The following DTD1 variants were observed in gnomAD, a reference collection of about 807,000 sequenced individuals.
DTD1 encodes the protein D-tyrosyl-tRNA deacylase 1 homolog.
DTD1 carries 13 observed loss-of-function variants against 25.6 expected under a neutral mutation model. That is an observed-to-expected ratio of 0.51 (90% confidence interval 0.33 to 0.81). DTD1 has a LOEUF of 0.81. Among genes scored for constraint, DTD1 ranks in the 30% least tolerant of loss-of-function variants. DTD1 has a pLI of 0.02. For synonymous variants in DTD1, 110 were observed against 103.6 expected (o/e 1.06, Z -0.37); for missense variants, 193 against 266.4 (o/e 0.72, Z 1.92).
At chr20:18,698,928 TG>T (rs1019408854) in intron 4 of DTD1, among the ~76,000 whole-genome samples, 2 of 152,138 alleles carry the variant, frequency 1.3e-5, no homozygotes, top group Admixed American at 1.3e-4. Flanking sequence ...CATCTCCTCT[TG>T]GTTACAAAAT....
chr20:18,664,027 A>G (rs1369214887), intron 4 of DTD1, among the ~76,000 whole-genome samples: 2 of 152,212 alleles, frequency 1.3e-5, no homozygotes, highest in Non-Finnish European at 2.9e-5. Context: ...ACAGGTTTGT[A>G]GCCTAGGAGC....
chr20:18,625,735 C>T (rs1272967287), intron 3 of DTD1, among the ~76,000 whole-genome samples: 2 of 152,236 alleles, frequency 1.3e-5, no homozygotes, highest in Admixed American at 1.3e-4. Flanking sequence ...GGGTTTCCAT[C>T]AGTAACAGCC....
intron 3 of DTD1, among the ~76,000 whole-genome samples, chr20:18,608,872 G>A (rs1170860888): frequency 6.6e-6 from 1 of 152,178 alleles, no homozygotes; most frequent in Non-Finnish European, 1.5e-5. Context: ...GACTTTAAGG[G>A]CGTCATTCAT....
intron 4 of DTD1, among the ~76,000 whole-genome samples, chr20:18,660,644 C>T (rs564962131): frequency 1.3e-5 from 2 of 152,208 alleles, no homozygotes; most frequent in East Asian, 1.9e-4. Flanking sequence ...GACATCCTAT[C>T]GGCTCATTTT....
chr20:18,696,361 GTTTCCACGTC>G (rs958150337), intron 4 of DTD1, among the ~76,000 whole-genome samples: 15 of 152,158 alleles, frequency 9.9e-5, no homozygotes, highest in Non-Finnish European at 1.8e-4. Context: ...GACATCTGTA[GTTTCCACGTC>G]TTTCTCGGTC....
In DTD1 at chr20:18,759,242, C is replaced by T. The variant is rs6132110; in HGVS notation, c.*20-4118C>T. Among the ~76,000 whole-genome samples, 37 of 152,008 alleles carry T rather than the reference C, an allele frequency of 2.4e-4. No homozygotes were observed. In the East Asian group the frequency reaches 5.6e-3, roughly 23 times the overall value. The stretch of plus-strand genomic sequence containing the variant: ...GAGCATTTAGCCCATTCACATTTAA[C>T]GTTAATATTGTTATGTGTGAATTTG... On this transcript the variant is annotated intron_variant, in intron 5 of 5. Transcript: ENST00000377452.
chr20:18,628,301 G>C (rs3818220), intron 4 of DTD1, 68 bp downstream of exon 4: 667,676 of 1,255,290 alleles, frequency 0.53, 179,504 homozygotes, highest in Middle Eastern at 0.61. Context: ...GTCCCTGGAA[G>C]AGTCCTCGGT....
intron 1 of DTD1, among the ~76,000 whole-genome samples, 188 bp downstream of exon 1, chr20:18,588,303 GGA>G (rs1046439579): frequency 6.6e-6 from 1 of 152,020 alleles, no homozygotes; most frequent in African/African-American, 2.4e-5. Context: ...CGCGGCGGCC[GGA>G]GAGCCCCCTG....
chr20:18,611,369 A>C (rs2060686153), intron 3 of DTD1, among the ~76,000 whole-genome samples: 1 of 152,220 alleles, frequency 6.6e-6, no homozygotes, highest in African/African-American at 2.4e-5. Context: ...CCAGTATGAA[A>C]AGGCTCTGTG....
intron 5 of DTD1, among the ~76,000 whole-genome samples, chr20:18,762,090 G>A (rs16979608): frequency 0.026 from 3,901 of 152,256 alleles, 178 homozygotes; most frequent in African/African-American, 0.09. Flanking sequence ...CAGGGACTTC[G>A]CTATCCAGCT....
chr20:18,621,861 G>A (rs1015515055), intron 3 of DTD1, among the ~76,000 whole-genome samples: 4 of 152,082 alleles, frequency 2.6e-5, no homozygotes, highest in East Asian at 1.9e-4. Flanking sequence ...TCAGGAGATC[G>A]AGACTATCCT....
intron 1 of DTD1, among the ~76,000 whole-genome samples, chr20:18,588,518 T>C (rs531052366): frequency 8.7e-4 from 133 of 152,354 alleles, no homozygotes; most frequent in African/African-American, 3.0e-3. Context: ...TTTTCACTGC[T>C]GTATTTTAAA....
intron 4 of DTD1, among the ~76,000 whole-genome samples, chr20:18,737,968 C>T (rs970896571): frequency 8.5e-5 from 13 of 152,146 alleles, no homozygotes; most frequent in African/African-American, 2.7e-4. Flanking sequence ...GGTGGGGGCT[C>T]GAAGCACCCC....
intron 4 of DTD1, among the ~76,000 whole-genome samples, chr20:18,671,825 A>G (rs796914491): frequency 2.0e-5 from 3 of 152,354 alleles, no homozygotes; most frequent in African/African-American, 7.2e-5. Flanking sequence ...GTTTGAGGGC[A>G]GGAAACATAA....
At chr20:18,628,385 T>C in intron 4 of DTD1, 152 bp downstream of exon 4, 1 of 649,398 alleles carries the variant, frequency 1.5e-6, no homozygotes, top group Non-Finnish European at 2.7e-6. Context: ...ATGTTTACGG[T>C]GCACTCCTGA....
chr20:18,621,571 G>T lies in DTD1; in HGVS notation c.371-6556G>T, dbSNP rs576999297. ...TTAATCAATCCATCTTTTTTTTGAA[G>T]TAAGTTTATTCCATATATATATTTG... On this transcript the variant is annotated intron_variant, in intron 3 of 5. Coordinates refer to ENST00000377452, the MANE Select transcript of DTD1 (RefSeq NM_080820.6). Among the ~76,000 whole-genome samples, 20 of 152,112 alleles carry T rather than the reference G, an allele frequency of 1.3e-4. No homozygotes were observed. In the South Asian group the frequency reaches 4.1e-3, roughly 32 times the overall value.
At chr20:18,753,093 A>G (rs954694020) in intron 5 of DTD1, among the ~76,000 whole-genome samples, 10 of 152,254 alleles carry the variant, frequency 6.6e-5, no homozygotes, top group South Asian at 2.1e-4. Context: ...CATCTAATAC[A>G]GTAGCTACTA....
At chr20:18,646,984 C>T (rs2060852739) in intron 4 of DTD1, among the ~76,000 whole-genome samples, 1 of 152,190 alleles carries the variant, frequency 6.6e-6, no homozygotes, top group Non-Finnish European at 1.5e-5. Context: ...TTGGCTTTAA[C>T]TTGAGCTCAG....
At position 18,600,798 on chromosome 20, in the gene DTD1, T is replaced by C. The variant is rs1011208031; in HGVS notation, c.370+4557T>C. 1.3e-5 allele frequency among the ~76,000 whole-genome samples: 2 copies of C among 152,208 alleles called. 1 individual carries two copies. Among genetic ancestry groups the C allele is most frequent in the East Asian group, 3.8e-4 (2 of 5,198 alleles). On this transcript the variant is annotated intron_variant, in intron 3 of 5. Transcript: ENST00000377452. ...TTAATCACTTCTTTAATTTTTCTCA[T>C]ATAGATATTCTAATTTTTTTTAAGA...
Sources: allele counts gnomAD v4.1 joint callset (sites outside exome capture counted in the v4.1 genomes callset), GRCh38; gene constraint gnomAD v4.1.1; transcripts MANE v1.5; gene names NCBI Gene and HGNC (gene_info 2026-07-23, HGNC 2026-07-21).